Variants in XXYLT1 observed in about 807,000 individuals in gnomAD.
The protein encoded by XXYLT1 is UDP-xylose:alpha-xyloside alpha-1,3-xylosyltransferase.
XXYLT1 carries 20 observed loss-of-function variants against 28.9 expected under a neutral mutation model. The ratio of observed to expected loss-of-function variants is 0.69; its 90% CI spans 0.49 to 1.00. The LOEUF (loss-of-function observed/expected upper bound fraction) is 1.00. XXYLT1 is among the 50% of genes least tolerant of loss of function. XXYLT1 has a pLI of 0.00. For synonymous variants in XXYLT1, 257 were observed against 253.8 expected (o/e 1.01, Z -0.12); for missense variants, 542 against 560.1 (o/e 0.97, Z 0.33).
chr3:195,143,890 T>TA (rs1719688957), intron 3 of XXYLT1, among the ~76,000 whole-genome samples: 1 of 126,538 alleles, frequency 7.9e-6, no homozygotes, highest in Non-Finnish European at 1.6e-5. Flanking sequence ...ATATATATAT[T>TA]TATTTTTTAT....
At position 195,259,809 on chromosome 3, in the gene XXYLT1, C is replaced by A. The variant is rs1577207184; in HGVS notation, c.504+10746G>T. 2.6e-5 allele frequency among the ~76,000 whole-genome samples: 4 copies of A among 152,376 alleles called. No individual in the cohort carries two copies. In the South Asian group the frequency reaches 8.3e-4, roughly 32 times the overall value. ...GGCCACCCCCACCACGCGGCTCCAA[C>A]AGACACGTTTCCCACACTGGCTGCG... On this transcript the variant is annotated intron_variant, in intron 1 of 3. Transcript: ENST00000310380.
Position 195,092,932 on chromosome 3 carries a change from CTCA to C in XXYLT1, c.786-22824_786-22822del, listed in dbSNP as rs1005823355. ...CAGCCAAAAACCACATGAAAAAATG[CTCA>C]TCATCACTGGCCATCAGAGAAATGC... On this transcript the variant is annotated intron_variant, in intron 3 of 3. Transcript: ENST00000310380. Among the ~76,000 whole-genome samples, 20 of 110,754 alleles carry C rather than the reference CTCA, an allele frequency of 1.8e-4. 3 individuals carry two copies. The highest frequency in any genetic ancestry group is 2.5e-4 in the Admixed American group (3 of 12,072). 72.7% of individuals were successfully genotyped at this position (110,754 alleles called of 152,430 possible). A position where few individuals can be genotyped will look rare whatever the true frequency, so the allele number is the denominator to read the frequency against.
In XXYLT1 at chr3:195,143,849, T is replaced by TATAG. The variant is rs1324222928; in HGVS notation, c.785+12599_785+12600insCTAT. Among the ~76,000 whole-genome samples the TATAG allele has an allele frequency of 1.3e-3, 92 of 72,578 alleles. 9 individuals are homozygous for TATAG. Among genetic ancestry groups the TATAG allele is most frequent in the Non-Finnish European group, 1.6e-3 (51 of 31,652 alleles). The allele number at this position is 72,578 out of a possible 152,430, so 47.6% of individuals were successfully genotyped here. ...ATATATAGATATAGATATAGATATA[T>TATAG]ATATAGATATATATAGATATAGATA... On this transcript the variant is annotated intron_variant, in intron 3 of 3. Coordinates refer to ENST00000310380, the MANE Select transcript of XXYLT1 (RefSeq NM_152531.5).
In XXYLT1 at chr3:195,270,956, C is replaced by T. The variant is rs759777972; in HGVS notation, c.103G>A (p.Val35Ile). The T allele has an allele frequency of 8.1e-6, 12 of 1,487,854 alleles. No individual in the cohort carries two copies. Among genetic ancestry groups the T allele is most frequent in the Middle Eastern group, 2.3e-4 (1 of 4,338 alleles). 92.2% of individuals were successfully genotyped at this position (1,487,854 alleles called of 1,614,324 possible). Reference protein sequence around the residue: ...CALLLAAALAVCAFYYLGSGR... With the variant: ...CALLLAAALAICAFYYLGSGR... ...GAGCCGAGGTAGTAGAAGGCGCAGA[C>T]GGCCAGCGCCGCGGCCAGCAGCAGG... The change falls in exon 1 of 4, where the codon GTC becomes ATC. Residue 35 changes from valine to isoleucine, a missense_variant. By Grantham distance (29) the Val-to-Ile change is conservative. Transcript: ENST00000310380.
rs1721509645 is a variant in XXYLT1, at chr3:195,173,446, CA to C, written c.653-16866del. On this transcript the variant is annotated intron_variant, in intron 2 of 3. Transcript: ENST00000310380. The surrounding 1 kb of genome is among the most constrained non-coding windows in gnomAD (Gnocchi z 4.3). ...CTCGACACTAAGTAACATTCTGGTT[CA>C]TATAAGACTGGGCGGAAGAACAGCT... Among the ~76,000 whole-genome samples the C allele has an allele frequency of 6.6e-6, 1 of 152,214 alleles. No homozygotes were observed. Among genetic ancestry groups the C allele is most frequent in the African/African-American group, 2.4e-5 (1 of 41,452 alleles).
At chr3:195,164,428 C>G (rs899888428) in intron 2 of XXYLT1, among the ~76,000 whole-genome samples, 8 of 152,268 alleles carry the variant, frequency 5.3e-5, no homozygotes, top group African/African-American at 1.9e-4. Context: ...CCTGCCAGCC[C>G]CAGGCTGCCA....
chr3:195,260,556 CAGG>C (rs1304555362), intron 1 of XXYLT1, among the ~76,000 whole-genome samples: 5 of 152,232 alleles, frequency 3.3e-5, no homozygotes, highest in Non-Finnish European at 5.9e-5. Context: ...GAGGCACATC[CAGG>C]AGGAGACAAG....
chr3:195,231,005 C>G (rs559523464), intron 1 of XXYLT1, among the ~76,000 whole-genome samples: 2 of 152,164 alleles, frequency 1.3e-5, no homozygotes, highest in Admixed American at 1.3e-4. Context: ...TTCTTCCAAT[C>G]CATGAATATG....
At chr3:195,246,523 T>C (rs1725030444) in intron 1 of XXYLT1, among the ~76,000 whole-genome samples, 1 of 152,124 alleles carries the variant, frequency 6.6e-6, no homozygotes, top group African/African-American at 2.4e-5. Flanking sequence ...TGAGGAACTA[T>C]GGCAAACCAG....
At chr3:195,138,563 A>T (rs1719314771) in intron 3 of XXYLT1, among the ~76,000 whole-genome samples, 1 of 152,164 alleles carries the variant, frequency 6.6e-6, no homozygotes, top group African/African-American at 2.4e-5. Context: ...GGCATATAGA[A>T]AAGTGGGCTG....
chr3:195,103,680 A>G (rs910394932), intron 3 of XXYLT1, among the ~76,000 whole-genome samples: 1 of 152,250 alleles, frequency 6.6e-6, no homozygotes, highest in Admixed American at 6.5e-5. Flanking sequence ...GACCTTTAGA[A>G]TCCATCAAGG....
At chr3:195,196,939 G>T (rs1490204855) in intron 2 of XXYLT1, among the ~76,000 whole-genome samples, 1 of 151,850 alleles carries the variant, frequency 6.6e-6, no homozygotes, top group Non-Finnish European at 1.5e-5. Context: ...TTTTACACTG[G>T]GACTAGTATA....
intron 2 of XXYLT1, among the ~76,000 whole-genome samples, chr3:195,204,617 G>A (rs772058695): frequency 6.6e-6 from 1 of 152,172 alleles, no homozygotes; most frequent in Non-Finnish European, 1.5e-5. Context: ...TGGCCGTGCC[G>A]AAGCCTGGTC....
At chr3:195,230,719 A>G (rs1231926460) in intron 1 of XXYLT1, among the ~76,000 whole-genome samples, 1 of 152,138 alleles carries the variant, frequency 6.6e-6, no homozygotes, top group African/African-American at 2.4e-5. Flanking sequence ...TGGGTTCTCT[A>G]TTCTGTTGCA....
At chr3:195,252,956 T>C (rs528003844) in intron 1 of XXYLT1, among the ~76,000 whole-genome samples, 3 of 152,150 alleles carry the variant, frequency 2.0e-5, no homozygotes, top group Admixed American at 6.6e-5. Context: ...GAGAACAAAA[T>C]TCCCCTGCTC....
intron 1 of XXYLT1, among the ~76,000 whole-genome samples, chr3:195,265,664 TA>T (rs1158720863): frequency 2.6e-5 from 4 of 151,664 alleles, no homozygotes; most frequent in African/African-American, 7.3e-5. Flanking sequence ...GTCAGTAGAG[TA>T]GAACCATGTG....
intron 3 of XXYLT1, among the ~76,000 whole-genome samples, chr3:195,084,647 C>T (rs1253602169): frequency 6.6e-6 from 1 of 152,220 alleles, no homozygotes; most frequent in Non-Finnish European, 1.5e-5. Context: ...GCCTGCTGTT[C>T]TTCACTTGCT....
Position 195,115,756 on chromosome 3 carries a change from C to CAGG in XXYLT1, c.785+40690_785+40692dup, listed in dbSNP as rs10693553. Among the ~76,000 whole-genome samples the CAGG allele has an allele frequency of 0.16, 23,940 of 152,130 alleles. 1,879 individuals carry two copies. The highest frequency in any genetic ancestry group is 0.25 in the East Asian group (1,298 of 5,148). On this transcript the variant is annotated intron_variant, in intron 3 of 3. Transcript: ENST00000310380. This position sits in a 1 kb window ranked among gnomAD's most constrained non-coding sequence, Gnocchi z 4.2. The stretch of plus-strand genomic sequence containing the variant: ...GTCCGAGGTGGAGGAAGGAGGGCGG[C>CAGG]AGGTGCAGGCCAGGACCGGACCTCG...
chr3:195,194,550 T>C (rs1722548014), intron 2 of XXYLT1, among the ~76,000 whole-genome samples: 1 of 152,110 alleles, frequency 6.6e-6, no homozygotes, highest in East Asian at 1.9e-4. Flanking sequence ...GACCCAGCAA[T>C]TCTACTCCTA....
Sources: gnomAD v4.1 joint callset for allele counts (sites outside exome capture counted in the v4.1 genomes callset) on GRCh38, gnomAD v4.1.1 for gene constraint, Gnocchi (gnomAD v3.1) non-coding constraint, MANE v1.5 for transcripts, NCBI Gene and HGNC (gene_info 2026-07-23, HGNC 2026-07-21) for gene names.